The following MBNL1 variants were observed in gnomAD, a reference collection of about 807,000 sequenced individuals.
MBNL1 encodes muscleblind-like protein 1.
MBNL1 carries 8 observed loss-of-function variants against 42.2 expected under a neutral mutation model. The observed-to-expected ratio is 0.19, with a 90% CI of 0.11 to 0.34. The LOEUF (loss-of-function observed/expected upper bound fraction) is 0.34. MBNL1 is among the 10% of genes least tolerant of loss of function. The probability of loss-of-function intolerance (pLI) is 1.00; values close to 1 mark genes in which losing one functional copy is unlikely to be tolerated. For synonymous variants in MBNL1, 169 were observed against 173.9 expected (o/e 0.97, Z 0.22); for missense variants, 309 against 495.3 (o/e 0.62, Z 3.57).
intron 3 of MBNL1, among the ~76,000 whole-genome samples, chr3:152,415,539 G>A (rs1230633955): frequency 1.9e-4 from 29 of 152,122 alleles, no homozygotes; most frequent in Admixed American, 1.9e-3. Context: ...TGAAAAGAAT[G>A]TGTATAGTTC....
At chr3:152,260,271 C>G (rs1258344546) in intron 2 of MBNL1, among the ~76,000 whole-genome samples, 3 of 152,158 alleles carry the variant, frequency 2.0e-5, no homozygotes, top group African/African-American at 7.2e-5. Flanking sequence ...GAATCAGGCC[C>G]TGTCAGCAGT....
intron 2 of MBNL1, among the ~76,000 whole-genome samples, chr3:152,355,362 T>A (rs894197587): frequency 1.3e-5 from 2 of 152,326 alleles, no homozygotes; most frequent in South Asian, 2.1e-4. Context: ...GCTTTACAAA[T>A]TTAAACCTGC....
chr3:152,315,866 A>T (rs371579591), intron 2 of MBNL1, among the ~76,000 whole-genome samples: 67 of 149,192 alleles, frequency 4.5e-4, no homozygotes, highest in East Asian at 1.4e-3. Context: ...ACACACACAC[A>T]CTCTCTCTCT....
chr3:152,300,032 A>G lies in MBNL1; in HGVS notation c.-162A>G, dbSNP rs774554649. On this transcript the variant is annotated 5_prime_UTR_variant, in exon 2 of 10. Coordinates refer to ENST00000324210, the MANE Select transcript of MBNL1 (RefSeq NM_021038.5). Reference sequence around the variant, plus strand: ...GGAGATCTTTTCCTTGATATTGACGACACAATTTTCCATGTACTTTTAAAG... The same window carrying G: ...GGAGATCTTTTCCTTGATATTGACGGCACAATTTTCCATGTACTTTTAAAG... 2 of 529,466 alleles carry G rather than the reference A, an allele frequency of 3.8e-6. No individual in the cohort carries two copies. Among genetic ancestry groups the G allele is most frequent in the Non-Finnish European group, 6.7e-6 (2 of 299,468 alleles). The allele number at this position is 529,466 out of a possible 1,614,324, so 32.8% of individuals were successfully genotyped here. A position where few individuals can be genotyped will look rare whatever the true frequency, so the allele number is the denominator to read the frequency against.
chr3:152,458,300 T>C (rs1737858478), intron 8 of MBNL1: 9 of 908,596 alleles, frequency 9.9e-6, no homozygotes, highest in Non-Finnish European at 5.3e-6. Context: ...CAGGGACATA[T>C]TAATATACAC....
chr3:152,311,594 TTATTTG>T (rs2066520215), intron 2 of MBNL1, among the ~76,000 whole-genome samples: 1 of 152,156 alleles, frequency 6.6e-6, no homozygotes, highest in South Asian at 2.1e-4. Context: ...AATTTTTTGT[TTATTTG>T]TAATAATTAT....
chr3:152,452,674 T>A (rs1259937871), intron 6 of MBNL1, among the ~76,000 whole-genome samples: 1 of 152,114 alleles, frequency 6.6e-6, no homozygotes, highest in Non-Finnish European at 1.5e-5. Flanking sequence ...CAGCTACCTG[T>A]GGAGCTGCAC....
intron 2 of MBNL1, among the ~76,000 whole-genome samples, chr3:152,409,050 A>G (rs1029370570): frequency 6.6e-5 from 10 of 152,222 alleles, no homozygotes; most frequent in Admixed American, 3.3e-4. Flanking sequence ...AAGAGCAACA[A>G]TATACTTCGT....
intron 3 of MBNL1, among the ~76,000 whole-genome samples, chr3:152,416,664 C>T (rs896598651): frequency 6.6e-6 from 1 of 152,212 alleles, no homozygotes; most frequent in African/African-American, 2.4e-5. Flanking sequence ...CCTTTGAGAT[C>T]AGCAAGTGTG....
chr3:152,316,594 T>TA (rs2071659694), intron 2 of MBNL1, among the ~76,000 whole-genome samples: 1 of 152,108 alleles, frequency 6.6e-6, no homozygotes, highest in South Asian at 2.1e-4. Context: ...CACCTAGTCC[T>TA]GCTTGCTCCA....
At chr3:152,416,206 C>T (rs377048223) in intron 3 of MBNL1, among the ~76,000 whole-genome samples, 351 of 152,210 alleles carry the variant, frequency 2.3e-3, no homozygotes, top group African/African-American at 8.2e-3. Flanking sequence ...TGGGGGATTG[C>T]ATTTCAAGGT....
chr3:152,293,282 G>A (rs1277782366), intron 1 of MBNL1, among the ~76,000 whole-genome samples: 1 of 152,144 alleles, frequency 6.6e-6, no homozygotes, highest in Non-Finnish European at 1.5e-5. Flanking sequence ...GAATAGTGCT[G>A]AAGGCTGCAT....
At chr3:152,447,594 G>C in intron 5 of MBNL1, 26 bp from the exon 6 acceptor site, 1 of 1,581,078 alleles carries the variant, frequency 6.3e-7, no homozygotes, top group South Asian at 1.1e-5. Context: ...ACTGGTATTT[G>C]TTTTTTATAC....
rs963767540 is a variant in MBNL1, at chr3:152,362,495, GTTTGATT to G, written c.175-52444_175-52438del. Among the ~76,000 whole-genome samples the G allele has an allele frequency of 1.2e-4, 18 of 152,272 alleles. No individual in the cohort carries two copies. The South Asian group carries it at 2.5e-3, about 21-fold the overall frequency. On this transcript the variant is annotated intron_variant, in intron 2 of 9. Transcript: ENST00000324210. ...ATTAATACACCAAAAGAGCTTATTAGTTTGATTTCTGAAGGATGTCAAATTGTTAAAT... is the reference window on the plus strand; with the variant it reads ...ATTAATACACCAAAAGAGCTTATTAGTCTGAAGGATGTCAAATTGTTAAAT...
At position 152,414,984 on chromosome 3, in the gene MBNL1, C is replaced by G. The variant is rs2098672651; in HGVS notation, c.218C>G (p.Pro73Arg). The G allele has an allele frequency of 1.2e-6, 2 of 1,608,434 alleles. No individual in the cohort carries two copies. Among genetic ancestry groups the G allele is most frequent in the Non-Finnish European group, 1.7e-6 (2 of 1,178,282 alleles). The change falls in exon 3 of 10, where the codon CCA (proline) becomes CGA (arginine). Residue 73 changes from proline (P) to arginine (R), a missense_variant. By Grantham distance (103) the Pro-to-Arg change is moderately radical (BLOSUM62 -2). Transcript: ENST00000324210. ...RENCKYLHPP[P>R]HLKTQLEING... Reference sequence around the variant, plus strand: ...AACTGCAAATATCTTCATCCACCCCCACATTTAAAAACGCAGTTGGAGATA... The same window carrying G: ...AACTGCAAATATCTTCATCCACCCCGACATTTAAAAACGCAGTTGGAGATA...
intron 1 of MBNL1, among the ~76,000 whole-genome samples, chr3:152,275,537 C>T (rs527250727): frequency 9.6e-4 from 145 of 151,758 alleles, no homozygotes; most frequent in African/African-American, 3.4e-3. Flanking sequence ...GGTGAAACCC[C>T]GTCTCTACTA....
intron 2 of MBNL1, among the ~76,000 whole-genome samples, chr3:152,403,856 A>G (rs1344830771): frequency 6.6e-6 from 1 of 151,528 alleles, no homozygotes; most frequent in East Asian, 1.9e-4. Context: ...GCAGTGCACA[A>G]TTTTAGCAAA....
intron 2 of MBNL1, among the ~76,000 whole-genome samples, chr3:152,343,761 A>C (rs1245588772): frequency 6.6e-6 from 1 of 152,156 alleles, no homozygotes; most frequent in African/African-American, 2.4e-5. Context: ...AAGTATTCCA[A>C]ATTGTTTAAA....
At chr3:152,340,904 T>C (rs2093014993) in intron 2 of MBNL1, 4 of 1,606,146 alleles carry the variant, frequency 2.5e-6, no homozygotes, top group Non-Finnish European at 3.4e-6. Flanking sequence ...TCCATCTGCA[T>C]TGTTCTCTTC....
Sources: allele counts gnomAD v4.1 joint callset (sites outside exome capture counted in the v4.1 genomes callset), GRCh38; gene constraint gnomAD v4.1.1; transcripts MANE v1.5; gene names NCBI Gene and HGNC (gene_info 2026-07-23, HGNC 2026-07-21).